CCDC91: variants seen among roughly 807,000 people sequenced by gnomAD.
The protein encoded by CCDC91 is coiled-coil domain-containing protein 91.
CCDC91 carries 48 observed loss-of-function variants against 63.2 expected under a neutral mutation model. The observed-to-expected ratio is 0.76, with a 90% CI of 0.60 to 0.97. CCDC91 has a LOEUF of 0.97. Ranked by LOEUF, CCDC91 falls within the 50% of genes least tolerant of loss-of-function variation. CCDC91 has a pLI of 0.00. For missense variants in CCDC91, 500 were observed against 494.6 expected (o/e 1.01, Z -0.10); for synonymous variants, 167 against 165.8 (o/e 1.01, Z -0.06).
intron 12 of CCDC91, among the ~76,000 whole-genome samples, chr12:28,524,831 T>TG (rs138818371): frequency 0.31 from 46,984 of 151,906 alleles, 7,696 homozygotes; most frequent in African/African-American, 0.37. Flanking sequence ...ATAGGAGTGT[T>TG]TGTCTTTCCA....
intron 12 of CCDC91, among the ~76,000 whole-genome samples, chr12:28,542,862 T>C (rs756214703): frequency 6.6e-6 from 1 of 152,064 alleles, no homozygotes; most frequent in African/African-American, 2.4e-5. Flanking sequence ...TAAGAAACAC[T>C]ACTCTGATAT....
intron 1 of CCDC91, among the ~76,000 whole-genome samples, chr12:28,201,960 T>C (rs1942483550): frequency 6.6e-6 from 1 of 151,816 alleles, no homozygotes; most frequent in Non-Finnish European, 1.5e-5. Context: ...GAGGTTGCAG[T>C]GAGCCGAGAT....
chr12:28,318,542 A>T (rs1385116801), intron 6 of CCDC91, among the ~76,000 whole-genome samples: 1 of 151,892 alleles, frequency 6.6e-6, no homozygotes. Context: ...CCCTGTCTCC[A>T]AAAAAATTTC....
At chr12:28,353,065 G>T (rs949363180) in intron 6 of CCDC91, among the ~76,000 whole-genome samples, 1 of 152,154 alleles carries the variant, frequency 6.6e-6, no homozygotes, top group African/African-American at 2.4e-5. Context: ...ATAATTTGCC[G>T]CAGTTCTACA....
At chr12:28,472,609 T>A (rs1295946722) in intron 11 of CCDC91, among the ~76,000 whole-genome samples, 1 of 152,202 alleles carries the variant, frequency 6.6e-6, no homozygotes, top group Non-Finnish European at 1.5e-5. Context: ...TTGTTAATGC[T>A]GATCTGTAAT....
intron 7 of CCDC91, 97 bp from the exon 8 acceptor site, chr12:28,391,207 G>A (rs149920591): frequency 6.5e-5 from 42 of 643,264 alleles, no homozygotes; most frequent in African/African-American, 1.7e-4. Context: ...GGAGAATATC[G>A]TATTACAGTA....
rs577002575 is a variant in CCDC91 at position 28,477,857 on chromosome 12, T to G, written c.1102-6195T>G. 2.6e-5 allele frequency among the ~76,000 whole-genome samples: 4 copies of G among 152,230 alleles called. No homozygotes were observed. In the South Asian group the frequency reaches 6.2e-4, roughly 24 times the overall value. ...GAGCCAAATCATGAGTGAACTCCCA[T>G]TCACAATTGCTTCAAAGAGAATAAA... On this transcript the variant is annotated intron_variant, in intron 11 of 12. Coordinates refer to ENST00000536442, the MANE Select transcript of CCDC91 (RefSeq NM_018318.5).
At chr12:28,381,620 T>G (rs1945301439) in intron 7 of CCDC91, among the ~76,000 whole-genome samples, 1 of 152,090 alleles carries the variant, frequency 6.6e-6, no homozygotes, top group South Asian at 2.1e-4. Flanking sequence ...TGAGAACTAA[T>G]CCATAGTCTG....
chr12:28,508,316 T>A (rs1938984259), intron 12 of CCDC91, among the ~76,000 whole-genome samples: 1 of 151,838 alleles, frequency 6.6e-6, no homozygotes, highest in African/African-American at 2.4e-5. Flanking sequence ...CTGATTCTCA[T>A]CTCCCTTCTC....
intron 12 of CCDC91, among the ~76,000 whole-genome samples, chr12:28,523,781 A>G (rs1222595101): frequency 6.6e-6 from 1 of 152,080 alleles, no homozygotes; most frequent in Admixed American, 6.6e-5. Context: ...TGTTGACAAA[A>G]TCTCTCAGCA....
At chr12:28,510,194 G>A (rs1205811533) in intron 12 of CCDC91, among the ~76,000 whole-genome samples, 2 of 150,100 alleles carry the variant, frequency 1.3e-5, no homozygotes, top group Admixed American at 1.3e-4. Flanking sequence ...TTGAAAAATA[G>A]TTGGTATATT....
intron 7 of CCDC91, among the ~76,000 whole-genome samples, chr12:28,366,941 G>C (rs1204860377): frequency 6.6e-6 from 1 of 152,082 alleles, no homozygotes; most frequent in Non-Finnish European, 1.5e-5. Context: ...TAGAGGCTGA[G>C]TTGGGTACTT....
At chr12:28,516,503 T>C (rs1939962130) in intron 12 of CCDC91, among the ~76,000 whole-genome samples, 1 of 151,882 alleles carries the variant, frequency 6.6e-6, no homozygotes, top group Non-Finnish European at 1.5e-5. Flanking sequence ...CTCGATAGGC[T>C]GAGGTAGAAA....
intron 7 of CCDC91, among the ~76,000 whole-genome samples, chr12:28,368,830 A>AAG (rs140061205): frequency 0.029 from 4,381 of 148,602 alleles, 170 homozygotes; most frequent in African/African-American, 0.093. Flanking sequence ...GAGAGAGAGA[A>AAG]AGAGAGAGAG....
chr12:28,280,366 A>G (rs886426117), intron 3 of CCDC91, among the ~76,000 whole-genome samples: 2 of 151,928 alleles, frequency 1.3e-5, no homozygotes, highest in East Asian at 1.9e-4. Flanking sequence ...TCCTGTATAC[A>G]TCTCTGATGT....
At chr12:28,431,444 G>T (rs746680088) in intron 8 of CCDC91, among the ~76,000 whole-genome samples, 1 of 152,014 alleles carries the variant, frequency 6.6e-6, no homozygotes, top group Admixed American at 6.6e-5. Flanking sequence ...TCTTCCTGTT[G>T]TTATTTTGTA....
chr12:28,391,368 T>C lies in CCDC91; in HGVS notation c.719T>C (p.Ile240Thr), dbSNP rs201539743. 122 of 1,612,898 alleles carry C rather than the reference T, an allele frequency of 7.6e-5. No individual in the cohort carries two copies. Among genetic ancestry groups the C allele is most frequent in the Non-Finnish European group, 9.2e-5 (108 of 1,179,128 alleles). Residue 240 changes from isoleucine to threonine, a missense_variant, in exon 8 of 13, where the codon ATT (isoleucine) becomes ACT (threonine). Physicochemically the swap from Ile to Thr is moderately conservative, Grantham distance 89 (BLOSUM62 -1). Coordinates refer to ENST00000536442, the MANE Select transcript of CCDC91 (RefSeq NM_018318.5). Reference protein sequence around the residue: ...EAIEKQYISAIEKQAHKCEEL... With the variant: ...EAIEKQYISATEKQAHKCEEL... Reference sequence around the variant, plus strand: ...ATTGAAAAACAGTACATTTCTGCAATTGAGAAACAGGCACACAAGTGTGAG... The same window carrying C: ...ATTGAAAAACAGTACATTTCTGCAACTGAGAAACAGGCACACAAGTGTGAG...
intron 11 of CCDC91, among the ~76,000 whole-genome samples, chr12:28,469,079 C>T (rs1390506976): frequency 2.6e-5 from 4 of 151,974 alleles, no homozygotes; most frequent in Admixed American, 6.6e-5. Context: ...ACTGGAAGCC[C>T]TAGCTAGAGT....
rs76428848 is a variant in CCDC91, at chr12:28,357,663, C to T, written c.577-4775C>T. Among the ~76,000 whole-genome samples, 21 of 152,064 alleles carry T rather than the reference C, an allele frequency of 1.4e-4. No homozygotes were observed. In the East Asian group the frequency reaches 3.5e-3, roughly 25 times the overall value. On this transcript the variant is annotated intron_variant, in intron 6 of 12. Coordinates refer to ENST00000536442, the MANE Select transcript of CCDC91 (RefSeq NM_018318.5). Reference sequence around the variant, plus strand: ...GAGATCTGATTTAGGGTTTGCTGTGCCCTTATTGAACAATACCTGGCACAC... The same window carrying T: ...GAGATCTGATTTAGGGTTTGCTGTGTCCTTATTGAACAATACCTGGCACAC...
Sources: gnomAD v4.1 joint callset for allele counts (sites outside exome capture counted in the v4.1 genomes callset) on GRCh38, gnomAD v4.1.1 for gene constraint, MANE v1.5 for transcripts, NCBI Gene and HGNC (gene_info 2026-07-23, HGNC 2026-07-21) for gene names.